The following APCDD1L variants were observed in gnomAD, a reference collection of about 807,000 sequenced individuals.
APCDD1L encodes protein APCDD1-like.
A neutral mutation model predicts 24.2 loss-of-function variants in APCDD1L; 21 were observed. That is an observed-to-expected ratio of 0.87 (90% CI 0.61 to 1.25). The LOEUF (loss-of-function observed/expected upper bound fraction) is 1.25, where lower values mean the gene tolerates loss of function less well. Among genes scored for constraint, APCDD1L ranks in the 50% most tolerant of loss-of-function variants. The pLI is 0.00. For missense variants in APCDD1L, 704 were observed against 711.7 expected (o/e 0.99, Z 0.12); for synonymous variants, 321 against 323.6 (o/e 0.99, Z 0.09).
Position 58,514,741 on chromosome 20 carries a change from C to T in APCDD1L, c.-34G>A, listed in dbSNP as rs753053431. 1.3e-5 allele frequency: 17 copies of T among 1,286,722 alleles called. No individual in the cohort carries two copies. The highest frequency in any genetic ancestry group is 1.6e-5 in the Non-Finnish European group (16 of 1,010,088). 79.7% of individuals were successfully genotyped at this position (1,286,722 alleles called of 1,614,324 possible). On this transcript the variant is annotated 5_prime_UTR_variant, in exon 1 of 4. Transcript: ENST00000371149. ...GGCTGGCAGGACCGCCCGCCGGGCGCTGCCACGGTGCGCAAGGGGAGGCGC... is the reference window on the plus strand; with the variant it reads ...GGCTGGCAGGACCGCCCGCCGGGCGTTGCCACGGTGCGCAAGGGGAGGCGC...
At chr20:58,491,834 C>T (rs1201432212) in intron 1 of APCDD1L, among the ~76,000 whole-genome samples, 3 of 152,156 alleles carry the variant, frequency 2.0e-5, no homozygotes, top group African/African-American at 7.2e-5. Context: ...ATTGAAAACT[C>T]GAGTAACTGT....
intron 1 of APCDD1L, among the ~76,000 whole-genome samples, chr20:58,506,641 A>G (rs942151219): frequency 1.3e-5 from 2 of 152,218 alleles, no homozygotes; most frequent in Non-Finnish European, 2.9e-5. Flanking sequence ...CCCATTCTGC[A>G]GTCTTTGCAG....
chr20:58,491,623 A>G lies in APCDD1L; in HGVS notation c.50-20876T>C, dbSNP rs564499796. Among the ~76,000 whole-genome samples, 653 of 152,346 alleles carry G rather than the reference A, an allele frequency of 4.3e-3. 2 individuals carry two copies. The highest frequency in any genetic ancestry group is 6.9e-3 in the Non-Finnish European group (469 of 68,030). ...TAAATGAAGTGAGATATATTCAAGG[A>G]TAGACAATATTAAGAGATGTCTACC... On this transcript the variant is annotated intron_variant, in intron 1 of 3. Transcript: ENST00000371149.
At chr20:58,475,531 T>C (rs1009256945) in intron 1 of APCDD1L, among the ~76,000 whole-genome samples, 10 of 152,108 alleles carry the variant, frequency 6.6e-5, no homozygotes, top group Non-Finnish European at 1.5e-4. Context: ...AAATCATATT[T>C]TATAAGGAGA....
chr20:58,481,534 G>C (rs1367031661), intron 1 of APCDD1L, among the ~76,000 whole-genome samples: 1 of 152,198 alleles, frequency 6.6e-6, no homozygotes, highest in African/African-American at 2.4e-5. Context: ...TTTGAGGAGA[G>C]AGGGATGGAG....
At position 58,461,060 on chromosome 20, in the gene APCDD1L, C is replaced by G; in HGVS notation, c.1236G>C (p.Glu412Asp). Residue 412 changes from glutamate (E) to aspartate (D), a missense_variant, in exon 4 of 4, where the codon GAG becomes GAC. Coordinates refer to ENST00000371149, the MANE Select transcript of APCDD1L (RefSeq NM_153360.3). This position sits in a 1 kb window ranked among gnomAD's most constrained non-coding sequence, Gnocchi z 6.0. ...LGIRLPHVEY[E>D]LFKMEQDPLG... ...GGGGGTCTTGTTCCATCTTGAAAAG[C>G]TCGTACTCCACATGCGGGAGCCGGA... The G allele has an allele frequency of 6.2e-7, 1 of 1,614,094 alleles. No homozygotes were observed. Among genetic ancestry groups the G allele is most frequent in the Non-Finnish European group, 8.5e-7 (1 of 1,180,002 alleles).
chr20:58,475,633 C>T (rs765678313), intron 1 of APCDD1L, among the ~76,000 whole-genome samples: 5 of 152,100 alleles, frequency 3.3e-5, no homozygotes, highest in Non-Finnish European at 7.4e-5. Flanking sequence ...CGTCACCTCA[C>T]CTGAGGCACG....
intron 1 of APCDD1L, among the ~76,000 whole-genome samples, chr20:58,495,668 G>T (rs1990307738): frequency 6.6e-6 from 1 of 152,186 alleles, no homozygotes. Flanking sequence ...GTCTGTCGCG[G>T]GGTCAGAGAC....
intron 1 of APCDD1L, among the ~76,000 whole-genome samples, chr20:58,480,126 A>G (rs373689623): frequency 1.6e-4 from 25 of 152,240 alleles, no homozygotes; most frequent in Middle Eastern, 3.4e-3. Flanking sequence ...ACCTAATCCG[A>G]GAATCTTCGT....
At chr20:58,509,689 G>A (rs1305284718) in intron 1 of APCDD1L, among the ~76,000 whole-genome samples, 2 of 152,200 alleles carry the variant, frequency 1.3e-5, no homozygotes, top group East Asian at 3.8e-4. Flanking sequence ...AACAGCCATT[G>A]ATAGCACATG....
rs897851117 is a variant in APCDD1L at position 58,467,733 on chromosome 20, G to C, written c.189-75C>G. The C allele has an allele frequency of 6.7e-6, 9 of 1,345,398 alleles. No homozygotes were observed. The African/African-American group carries it at 1.4e-4, about 21-fold the overall frequency. 83.3% of individuals were successfully genotyped at this position (1,345,398 alleles called of 1,614,324 possible). On this transcript the variant is annotated intron_variant, in intron 2 of 3. Transcript: ENST00000371149. The surrounding 1 kb of genome is among the most constrained non-coding windows in gnomAD (Gnocchi z 5.9). ...CGAGCCCCTCTCCCCTCTGGGCTGG[G>C]CTCCTTTCTCCCCCCCAGCCCTCCT...
rs970413092 is a variant in APCDD1L at position 58,460,928 on chromosome 20, A to G, written c.1368T>C (p.His456=). Residue 456 remains histidine, a synonymous_variant, in exon 4 of 4, where the codon CAT becomes CAC. Coordinates refer to ENST00000371149, the MANE Select transcript of APCDD1L (RefSeq NM_153360.3). This position sits in a 1 kb window ranked among gnomAD's most constrained non-coding sequence, Gnocchi z 4.2. ...TSYQAPLVLC[H]GEAPDFSRPP... ...GCCTGGAGAAGTCGGGGGCCTCCCCATGACAGAGCACCAGGGGTGCTTGGT... is the reference window on the plus strand; with the variant it reads ...GCCTGGAGAAGTCGGGGGCCTCCCCGTGACAGAGCACCAGGGGTGCTTGGT... 3 of 1,613,784 alleles carry G rather than the reference A, an allele frequency of 1.9e-6. No individual in the cohort carries two copies. The highest frequency in any genetic ancestry group is 1.7e-5 in the Admixed American group (1 of 59,990).
At chr20:58,501,346 A>G (rs1990434018) in intron 1 of APCDD1L, among the ~76,000 whole-genome samples, 1 of 152,198 alleles carries the variant, frequency 6.6e-6, no homozygotes, top group African/African-American at 2.4e-5. Flanking sequence ...AAATGAGGCC[A>G]TTAGAGTGGG....
chr20:58,505,121 T>A (rs1990508704), intron 1 of APCDD1L, among the ~76,000 whole-genome samples: 1 of 152,266 alleles, frequency 6.6e-6, no homozygotes, highest in South Asian at 2.1e-4. Flanking sequence ...ACTGCTCATT[T>A]CATATGTTTT....
At chr20:58,472,036 A>G (rs1034314474) in intron 1 of APCDD1L, among the ~76,000 whole-genome samples, 3 of 152,152 alleles carry the variant, frequency 2.0e-5, no homozygotes, top group Non-Finnish European at 4.4e-5. Flanking sequence ...CCTTCCCAGC[A>G]AGGGTTCAGG....
chr20:58,512,085 TGCAGTGGGTGACTACCCATACC>T (rs1990639628), intron 1 of APCDD1L, among the ~76,000 whole-genome samples: 1 of 152,216 alleles, frequency 6.6e-6, no homozygotes, highest in African/African-American at 2.4e-5. Flanking sequence ...GAAGGTTCGC[TGCAGTGGGTGACTACCCATACC>T]GCAGCCTGGC....
chr20:58,514,095 G>C lies in APCDD1L; in HGVS notation c.49+564C>G, dbSNP rs796256019. Reference sequence around the variant, plus strand: ...ACCCCTTAGTCCTGGAGAAGGCATTGACTACTCTACCAGGGGTTCCTGAAG... The same window carrying C: ...ACCCCTTAGTCCTGGAGAAGGCATTCACTACTCTACCAGGGGTTCCTGAAG... On this transcript the variant is annotated intron_variant, in intron 1 of 3. Transcript: ENST00000371149. 92 of 532,948 alleles carry C rather than the reference G, an allele frequency of 1.7e-4. No individual in the cohort carries two copies. The African/African-American group carries it at 1.8e-3, about 10-fold the overall frequency. The allele number at this position is 532,948 out of a possible 1,614,324, so 33.0% of individuals were successfully genotyped here.
chr20:58,460,801 G>A lies in APCDD1L; in HGVS notation c.1495C>T (p.His499Tyr). ...TGTCAAGTCCAATGTCATAGCCAGT[G>A]GAGGAAGGCCAGCCCTAGAACTAGG... The part of the protein sequence containing the change: ...LPLVLGLAFL[H>Y]WL Residue 499 changes from histidine to tyrosine, a missense_variant, in exon 4 of 4, where the codon CAC (histidine) becomes TAC (tyrosine). His to Tyr is a moderately conservative substitution (Grantham distance 83). Transcript: ENST00000371149. The surrounding 1 kb of genome is among the most constrained non-coding windows in gnomAD (Gnocchi z 4.2). The A allele has an allele frequency of 6.6e-7, 1 of 1,523,186 alleles. No homozygotes were observed. 94.4% of individuals were successfully genotyped at this position (1,523,186 alleles called of 1,614,324 possible).
intron 1 of APCDD1L, among the ~76,000 whole-genome samples, chr20:58,472,454 T>A (rs1989829649): frequency 6.6e-6 from 1 of 151,980 alleles, no homozygotes. Flanking sequence ...GACTTCGGGG[T>A]GTGACGGCGT....
Sources: allele counts gnomAD v4.1 joint callset (sites outside exome capture counted in the v4.1 genomes callset), GRCh38; gene constraint gnomAD v4.1.1; non-coding constraint Gnocchi (gnomAD v3.1); transcripts MANE v1.5; gene names NCBI Gene and HGNC (gene_info 2026-07-23, HGNC 2026-07-21).